DSCAM: variants seen among roughly 807,000 people sequenced by gnomAD.
DSCAM encodes cell adhesion molecule DSCAM.
Under a neutral mutation model 217.7 loss-of-function variants are expected in DSCAM, and 47 were observed. That is an observed-to-expected ratio of 0.22 (90% CI 0.17 to 0.28). The LOEUF (loss-of-function observed/expected upper bound fraction) is 0.28, where lower values mean the gene tolerates loss of function less well. DSCAM is among the 10% of genes least tolerant of loss of function. DSCAM has a pLI of 1.00. For missense variants in DSCAM, 2,080 were observed against 2,618.3 expected, an observed-to-expected ratio of 0.79 and a Z score of 4.49; for synonymous variants, 1,056 against 1,015.3, an observed-to-expected ratio of 1.04 and a Z score of -0.76.
intron 3 of DSCAM, among the ~76,000 whole-genome samples, chr21:40,475,429 A>ATTGT (rs2075925253): frequency 6.6e-6 from 1 of 152,168 alleles, no homozygotes; most frequent in South Asian, 2.1e-4. Context: ...CTTCGTCATG[A>ATTGT]TTGTAGATTA....
At chr21:40,289,824 T>C (rs912062978) in intron 10 of DSCAM, among the ~76,000 whole-genome samples, 16 of 151,902 alleles carry the variant, frequency 1.1e-4, no homozygotes, top group Admixed American at 4.6e-4. Flanking sequence ...AAAGATACAA[T>C]AAGCAAAATA....
At chr21:40,383,827 C>T (rs2075052507) in intron 3 of DSCAM, 1 of 151,970 alleles carries the variant, frequency 6.6e-6, no homozygotes, top group Admixed American at 6.6e-5. Flanking sequence ...TTTAAGTAAA[C>T]AAGAATTATT....
chr21:40,116,283 A>G (rs988530200), intron 20 of DSCAM, among the ~76,000 whole-genome samples: 1 of 152,222 alleles, frequency 6.6e-6, no homozygotes, highest in Admixed American at 6.5e-5. Flanking sequence ...TTACCTATAT[A>G]AGAAATCTGC....
rs1217079173 is a variant in DSCAM, at chr21:40,289,299, C to G, written c.2182+6756G>C. On this transcript the variant is annotated intron_variant, in intron 10 of 32. Transcript: ENST00000400454. ...TCAGAAGTCCCAGCAGAGTGGGTCA[C>G]AGGTGAGAGCCAAGCCTCCATCAGT... Among the ~76,000 whole-genome samples, 5 of 152,302 alleles carry G rather than the reference C, an allele frequency of 3.3e-5. No homozygotes were observed. The South Asian group carries it at 1.0e-3, about 32-fold the overall frequency.
chr21:40,183,360 A>C (rs1250140489), intron 14 of DSCAM, among the ~76,000 whole-genome samples: 2 of 152,200 alleles, frequency 1.3e-5, no homozygotes, highest in Non-Finnish European at 2.9e-5. Context: ...AACCTGTGTA[A>C]TTGCCACCTA....
At chr21:40,457,560 A>C (rs1403910124) in intron 3 of DSCAM, among the ~76,000 whole-genome samples, 3 of 152,034 alleles carry the variant, frequency 2.0e-5, no homozygotes, top group African/African-American at 4.8e-5. Context: ...AAACAAAAAA[A>C]CCTGTATTAT....
At chr21:40,374,036 A>G (rs527367783) in intron 3 of DSCAM, among the ~76,000 whole-genome samples, 1 of 116,962 alleles carries the variant, frequency 8.5e-6, no homozygotes, top group South Asian at 3.3e-4. Context: ...ATTTCAAAAT[A>G]GCTCAGAGAG....
intron 11 of DSCAM, among the ~76,000 whole-genome samples, chr21:40,195,420 C>T (rs1277564636): frequency 6.6e-6 from 1 of 152,170 alleles, no homozygotes; most frequent in East Asian, 1.9e-4. Flanking sequence ...AGACAAGATT[C>T]CTGTCACAAG....
intron 32 of DSCAM, among the ~76,000 whole-genome samples, chr21:40,018,245 G>C (rs949499641): frequency 6.6e-6 from 1 of 152,132 alleles, no homozygotes; most frequent in African/African-American, 2.4e-5. Flanking sequence ...TAATTGACCA[G>C]TCTTGCGATT....
chr21:40,191,577 T>C (rs976265506), intron 11 of DSCAM, among the ~76,000 whole-genome samples: 11 of 152,238 alleles, frequency 7.2e-5, no homozygotes, highest in African/African-American at 2.4e-4. Context: ...GTTTTAAGTG[T>C]GCAATTCAGT....
chr21:40,554,541 T>C (rs1423827655), intron 3 of DSCAM, among the ~76,000 whole-genome samples: 2 of 152,106 alleles, frequency 1.3e-5, no homozygotes, highest in Non-Finnish European at 2.9e-5. Flanking sequence ...AGGAATTCCA[T>C]TGTGTACTGA....
At chr21:40,577,376 G>A (rs2076860486) in intron 3 of DSCAM, among the ~76,000 whole-genome samples, 1 of 151,716 alleles carries the variant, frequency 6.6e-6, no homozygotes, top group African/African-American at 2.4e-5. Flanking sequence ...GAATTTTAGG[G>A]CACTGACACG....
intron 3 of DSCAM, among the ~76,000 whole-genome samples, chr21:40,560,070 G>C (rs1315677461): frequency 6.6e-6 from 1 of 152,162 alleles, no homozygotes. Context: ...TGGGATTATA[G>C]GCTTGAGCCA....
intron 3 of DSCAM, among the ~76,000 whole-genome samples, chr21:40,606,538 T>A: frequency 6.6e-6 from 1 of 152,212 alleles, no homozygotes; most frequent in Admixed American, 6.5e-5. Flanking sequence ...TGGCTTGTGG[T>A]TGAATTTGGC....
intron 3 of DSCAM, among the ~76,000 whole-genome samples, chr21:40,479,453 G>T (rs113938681): frequency 0.022 from 3,291 of 152,248 alleles, 116 homozygotes; most frequent in African/African-American, 0.07. Flanking sequence ...AAATATCCAA[G>T]ATTGGGTAAT....
At chr21:40,101,200 C>T (rs2089745898) in intron 20 of DSCAM, among the ~76,000 whole-genome samples, 1 of 152,194 alleles carries the variant, frequency 6.6e-6, no homozygotes, top group Admixed American at 6.5e-5. Context: ...GTCATATATT[C>T]CTCTTGGCTA....
chr21:40,229,173 C>T (rs2091358823), intron 11 of DSCAM, among the ~76,000 whole-genome samples: 1 of 152,170 alleles, frequency 6.6e-6, no homozygotes, highest in African/African-American at 2.4e-5. Flanking sequence ...AACCAGAGTG[C>T]AATGTTTAGG....
At chr21:40,422,467 T>TAA (rs145896718) in intron 3 of DSCAM, among the ~76,000 whole-genome samples, 2 of 111,656 alleles carry the variant, frequency 1.8e-5, no homozygotes, top group African/African-American at 2.8e-5. Flanking sequence ...CCATCTCTAC[T>TAA]AAAAAAAAAT....
chr21:40,538,319 A>G (rs552367885), intron 3 of DSCAM, among the ~76,000 whole-genome samples: 1 of 152,256 alleles, frequency 6.6e-6, no homozygotes, highest in Admixed American at 6.5e-5. Flanking sequence ...CAGCACGCCA[A>G]GCACAGCAGG....
Sources: allele counts gnomAD v4.1 joint callset (sites outside exome capture counted in the v4.1 genomes callset), GRCh38; gene constraint gnomAD v4.1.1; transcripts MANE v1.5; gene names NCBI Gene and HGNC (gene_info 2026-07-23, HGNC 2026-07-21).